IPO11: variants seen among roughly 807,000 people sequenced by gnomAD.
IPO11 encodes the protein importin-11.
A neutral mutation model predicts 143.2 loss-of-function variants in IPO11; 66 were observed. That is an observed-to-expected ratio of 0.46 (90% confidence interval 0.38 to 0.57). The LOEUF (loss-of-function observed/expected upper bound fraction) is 0.57, where lower values mean the gene tolerates loss of function less well. Among genes scored for constraint, IPO11 ranks in the 20% least tolerant of loss-of-function variants. The pLI, the probability that IPO11 is intolerant of heterozygous loss-of-function variation, is 0.00. For synonymous variants in IPO11, 385 were observed against 377.8 expected (o/e 1.02, Z -0.22); for missense variants, 1,026 against 1,141.0 (o/e 0.90, Z 1.45).
chr5:62,531,177 G>C (rs776049545), intron 22 of IPO11, among the ~76,000 whole-genome samples: 1 of 152,068 alleles, frequency 6.6e-6, no homozygotes, highest in African/African-American at 2.4e-5. Context: ...TGTTGGTGTT[G>C]TTTGTTTTGT....
chr5:62,432,812 G>A (rs1291202174), intron 1 of IPO11, among the ~76,000 whole-genome samples: 1 of 152,168 alleles, frequency 6.6e-6, no homozygotes, highest in Non-Finnish European at 1.5e-5. Context: ...TTTCAGAGGC[G>A]AGGCTGTGGG....
chr5:62,475,467 C>T (rs1284408110), intron 8 of IPO11, among the ~76,000 whole-genome samples: 1 of 152,138 alleles, frequency 6.6e-6, no homozygotes, highest in Non-Finnish European at 1.5e-5. Flanking sequence ...GCAGTGATCT[C>T]ATCACTACAC....
At chr5:62,598,242 A>G (rs934223931) in intron 28 of IPO11, among the ~76,000 whole-genome samples, 77 of 152,118 alleles carry the variant, frequency 5.1e-4, no homozygotes, top group African/African-American at 1.8e-3. Flanking sequence ...TTTCTGAAAC[A>G]GTGGTAGCAT....
intron 12 of IPO11, 144 bp from the exon 13 acceptor site, chr5:62,487,627 C>G (rs1746456846): frequency 1.3e-6 from 1 of 788,700 alleles, no homozygotes; most frequent in Non-Finnish European, 1.6e-6. Flanking sequence ...AAATGGTAAC[C>G]TTACTTTTTT....
In IPO11 at chr5:62,484,012, A is replaced by G; in HGVS notation, c.1024A>G (p.Ser342Gly). The G allele has an allele frequency of 6.3e-7, 1 of 1,599,352 alleles. No individual in the cohort carries two copies. The highest frequency in any genetic ancestry group is 8.5e-7 in the Non-Finnish European group (1 of 1,175,510). The stretch of plus-strand genomic sequence containing the variant: ...ACTTGGAAATTTCATTTTTCTAGAT[A>G]GCAGCCCTGAAACTCTTGAAGCCCA... ...AYKPSKNFED[S>G]SPETLEAHKI... is the part of the protein sequence containing the mutation. The change falls in exon 11 of 30, where the codon AGC (serine) becomes GGC (glycine). Residue 342 changes from serine to glycine, a missense_variant and splice_region_variant. By Grantham distance (56) the Ser-to-Gly change is moderately conservative (BLOSUM62 0). Transcript: ENST00000325324.
At chr5:62,565,206 C>T (rs1027653472) in intron 27 of IPO11, among the ~76,000 whole-genome samples, 1 of 152,148 alleles carries the variant, frequency 6.6e-6, no homozygotes, top group Non-Finnish European at 1.5e-5. Context: ...AAATTCAGGC[C>T]AGGCACAGTG....
chr5:62,520,236 A>G (rs1441785840), intron 20 of IPO11, among the ~76,000 whole-genome samples: 1 of 152,232 alleles, frequency 6.6e-6, no homozygotes, highest in Non-Finnish European at 1.5e-5. Context: ...AGTAGTGTCC[A>G]AGAACCTAAG....
chr5:62,607,393 G>T (rs1215939874), intron 29 of IPO11, among the ~76,000 whole-genome samples: 1 of 151,986 alleles, frequency 6.6e-6, no homozygotes, highest in Non-Finnish European at 1.5e-5. Flanking sequence ...AACTCTCTCT[G>T]GATGATTTTG....
chr5:62,429,497 A>G (rs768761266), intron 1 of IPO11, among the ~76,000 whole-genome samples: 1 of 151,888 alleles, frequency 6.6e-6, no homozygotes, highest in African/African-American at 2.4e-5. Flanking sequence ...GGCTCACTGC[A>G]ACCTCCGCCT....
chr5:62,438,621 G>A (rs912676750), intron 2 of IPO11, among the ~76,000 whole-genome samples: 3 of 151,776 alleles, frequency 2.0e-5, no homozygotes, highest in Non-Finnish European at 4.4e-5. Context: ...GTGTGGTGGC[G>A]CACGCCTGTA....
chr5:62,608,703 A>G (rs1745820470), intron 29 of IPO11, among the ~76,000 whole-genome samples: 1 of 151,952 alleles, frequency 6.6e-6, no homozygotes, highest in South Asian at 2.1e-4. Context: ...AACCTCCCCC[A>G]CTGTCCACAT....
chr5:62,441,525 T>A, intron 2 of IPO11, among the ~76,000 whole-genome samples: 1 of 121,528 alleles, frequency 8.2e-6, no homozygotes, highest in Non-Finnish European at 1.7e-5. Context: ...TTTTTTTTTT[T>A]TTTTTATGGG....
intron 24 of IPO11, among the ~76,000 whole-genome samples, chr5:62,539,182 T>C (rs563899322): frequency 6.6e-6 from 1 of 152,288 alleles, no homozygotes; most frequent in African/African-American, 2.4e-5. Context: ...GTTAATTATA[T>C]AATTAAAAAA....
chr5:62,507,276 A>C (rs1741586032), intron 19 of IPO11, among the ~76,000 whole-genome samples: 1 of 152,216 alleles, frequency 6.6e-6, no homozygotes, highest in African/African-American at 2.4e-5. Flanking sequence ...GGTAGGGTTG[A>C]GTCACTGTTA....
intron 27 of IPO11, among the ~76,000 whole-genome samples, chr5:62,589,047 A>G (rs1744916541): frequency 6.6e-6 from 1 of 152,060 alleles, no homozygotes; most frequent in South Asian, 2.1e-4. Context: ...CTGCTGCCTC[A>G]TGTACGAAGA....
chr5:62,533,217 T>C (rs943675275), intron 22 of IPO11, among the ~76,000 whole-genome samples: 12 of 149,908 alleles, frequency 8.0e-5, no homozygotes, highest in South Asian at 4.2e-4. Context: ...TCTTTCTTCT[T>C]TTTTTTTTTT....
intron 20 of IPO11, among the ~76,000 whole-genome samples, chr5:62,522,601 C>T (rs1367362434): frequency 6.6e-6 from 1 of 152,060 alleles, no homozygotes; most frequent in Non-Finnish European, 1.5e-5. Context: ...GTGTGTTTTT[C>T]TTTTAGGATG....
At chr5:62,592,268 A>G (rs1385159827) in intron 28 of IPO11, among the ~76,000 whole-genome samples, 1 of 151,970 alleles carries the variant, frequency 6.6e-6, no homozygotes, top group Non-Finnish European at 1.5e-5. Flanking sequence ...TCTTTTTCCT[A>G]GTATGTTCTG....
intron 28 of IPO11, among the ~76,000 whole-genome samples, chr5:62,598,426 TTCTTTCTCTCTCTC>T (rs1745328861): frequency 2.7e-4 from 1 of 3,746 alleles, no homozygotes; most frequent in Admixed American, 3.2e-3. Flanking sequence ...CTTTCTTTCT[TTCTTTCTCTCTCTC>T]TCTCTCTCTC....
Sources: allele counts gnomAD v4.1 joint callset (sites outside exome capture counted in the v4.1 genomes callset), GRCh38; gene constraint gnomAD v4.1.1; transcripts MANE v1.5; gene names NCBI Gene and HGNC (gene_info 2026-07-23, HGNC 2026-07-21).